KRT222: variants seen among roughly 807,000 people sequenced by gnomAD.
KRT222 encodes the protein keratin 222.
KRT222 carries 23 observed loss-of-function variants against 35.0 expected under a neutral mutation model. The observed-to-expected ratio is 0.66, with a 90% confidence interval of 0.47 to 0.93. The LOEUF (loss-of-function observed/expected upper bound fraction) is 0.93. Among genes scored for constraint, KRT222 ranks in the 40% least tolerant of loss-of-function variants. The pLI is 0.00. For missense variants in KRT222, 339 were observed against 346.3 expected (o/e 0.98, Z 0.17); for synonymous variants, 108 against 118.8 (o/e 0.91, Z 0.59).
chr17:40,664,802 C>T (rs888746631), intron 1 of KRT222: 5 of 831,728 alleles, frequency 6.0e-6, no homozygotes, highest in Admixed American at 3.1e-5. Context: ...TCAATCAACA[C>T]TTACTTAATG....
At chr17:40,664,157 A>G (rs1400894728) in intron 1 of KRT222, among the ~76,000 whole-genome samples, 1 of 152,082 alleles carries the variant, frequency 6.6e-6, no homozygotes, top group East Asian at 1.9e-4. Context: ...GATAACTTGA[A>G]CCCATATATG....
rs34128971 is a variant in KRT222, at chr17:40,657,210, C to CAAAAA, written c.659+137_659+141dup. 2.8e-3 allele frequency: 1,071 copies of CAAAAA among 377,890 alleles called. 1 individual carries two copies. The highest frequency in any genetic ancestry group is 3.4e-3 in the Non-Finnish European group (831 of 246,798). 23.4% of individuals were successfully genotyped at this position (377,890 alleles called of 1,614,324 possible). A position where few individuals can be genotyped will look rare whatever the true frequency, so the allele number is the denominator to read the frequency against. On this transcript the variant is annotated intron_variant, in intron 5 of 5. Coordinates refer to ENST00000394052, the MANE Select transcript of KRT222 (RefSeq NM_152349.3). ...CTGGCGACAGAGCAAGACTCAATCT[C>CAAAAA]AAAAAAAAAAAAAAAAATCACAGTA... is the stretch of plus-strand genomic sequence containing the variant.
intron 4 of KRT222, 59 bp downstream of exon 4, chr17:40,657,615 G>C (rs540051882): frequency 4.7e-5 from 71 of 1,502,530 alleles, no homozygotes; most frequent in Non-Finnish European, 6.0e-5. Flanking sequence ...TCCTTATAAA[G>C]TAATCCCTGT....
At position 40,661,929 on chromosome 17, in the gene KRT222, G is replaced by T; in HGVS notation, c.212C>A (p.Ser71Tyr). The change falls in exon 2 of 6, where the codon TCT becomes TAT. Residue 71 changes from serine (S) to tyrosine (Y), a missense_variant. Physicochemically the swap from Ser to Tyr is moderately radical, Grantham distance 144. Coordinates refer to ENST00000394052, the MANE Select transcript of KRT222 (RefSeq NM_152349.3). ...QWHHLQVEIE[S>Y]LHAVERGLEN... ...GATCATTCTCACCACAGCATGGAGA[G>T]ATTCAATTTCCACTTGCAGGTGGTG... 6.2e-7 allele frequency: 1 copy of T among 1,614,194 alleles called. No homozygotes were observed. The highest frequency in any genetic ancestry group is 2.2e-5 in the East Asian group (1 of 44,880).
At position 40,656,472 on chromosome 17, in the gene KRT222, A is replaced by C; in HGVS notation, c.818T>G (p.Ile273Arg). Residue 273 changes from isoleucine to arginine, a missense_variant, in exon 6 of 6, where the codon ATA (isoleucine) becomes AGA (arginine). Coordinates refer to ENST00000394052, the MANE Select transcript of KRT222 (RefSeq NM_152349.3). The part of the protein sequence containing the change: ...LETKQDNLPD[I>R]EVRLIMRRSC... The stretch of plus-strand genomic sequence containing the variant: ...TCTTCTCATGATAAGCCTGACTTCT[A>C]TATCTGGTAGATTATCCTGCTTAGT... 1 of 1,613,924 alleles carries C rather than the reference A, an allele frequency of 6.2e-7. No individual in the cohort carries two copies. The highest frequency in any genetic ancestry group is 8.5e-7 in the Non-Finnish European group (1 of 1,179,890).
At chr17:40,659,838 T>G in intron 3 of KRT222, 149 bp downstream of exon 3, 2 of 705,892 alleles carry the variant, frequency 2.8e-6, no homozygotes, top group South Asian at 3.5e-5. Context: ...TCATATATTC[T>G]TTGCAGTGCA....
chr17:40,665,124 T>A lies in KRT222; in HGVS notation c.-25A>T, dbSNP rs773974648. The A allele has an allele frequency of 6.8e-6, 11 of 1,610,040 alleles. No homozygotes were observed. Among genetic ancestry groups the A allele is most frequent in the Admixed American group, 1.7e-5 (1 of 59,992 alleles). On this transcript the variant is annotated 5_prime_UTR_variant, in exon 1 of 6. Transcript: ENST00000394052. ...TTCTTTTCCCATCCTCCACCTTGGC[T>A]AACTGAACCTTATCGATAGGATGAG...
chr17:40,663,532 G>A (rs1183016717), intron 1 of KRT222, among the ~76,000 whole-genome samples: 1 of 152,202 alleles, frequency 6.6e-6, no homozygotes, highest in South Asian at 2.1e-4. Context: ...CCAGCCTTTC[G>A]GCAATGCCCT....
Position 40,656,004 on chromosome 17 carries a change from C to T in KRT222, c.*398G>A, listed in dbSNP as rs185783655. The T allele has an allele frequency of 6.7e-4, 105 of 157,070 alleles. No homozygotes were observed. Among genetic ancestry groups the T allele is most frequent in the Admixed American group, 3.8e-3 (60 of 15,856 alleles). The allele number at this position is 157,070 out of a possible 1,614,324, so 9.7% of individuals were successfully genotyped here. On this transcript the variant is annotated 3_prime_UTR_variant, in exon 6 of 6. Transcript: ENST00000394052. ...GTGAATAACTCAGTGTGACTCTTAACACAATCCTATTCAAACAATTCTTTT... is the reference window on the plus strand; with the variant it reads ...GTGAATAACTCAGTGTGACTCTTAATACAATCCTATTCAAACAATTCTTTT...
intron 2 of KRT222, among the ~76,000 whole-genome samples, chr17:40,660,878 A>G (rs2037379719): frequency 6.6e-6 from 1 of 152,072 alleles, no homozygotes; most frequent in Non-Finnish European, 1.5e-5. Flanking sequence ...AAGAAAATAT[A>G]GTACATTGAG....
At chr17:40,657,272 G>A in intron 5 of KRT222, 80 bp downstream of exon 5, 3 of 918,056 alleles carry the variant, frequency 3.3e-6, no homozygotes, top group Non-Finnish European at 4.5e-6. Context: ...AAACAAAGAA[G>A]AGTAATTACT....
In KRT222 at chr17:40,657,227, AT is replaced by A. The variant is rs2037351426; in HGVS notation, c.659+124del. 20 of 740,414 alleles carry A rather than the reference AT, an allele frequency of 2.7e-5. No homozygotes were observed. In the South Asian group the frequency reaches 7.2e-4, roughly 27 times the overall value. 45.9% of individuals were successfully genotyped at this position (740,414 alleles called of 1,614,324 possible). A position where few individuals can be genotyped will look rare whatever the true frequency, so the allele number is the denominator to read the frequency against. Reference sequence around the variant, plus strand: ...CTCAATCTCAAAAAAAAAAAAAAAAATCACAGTATACTAAAACTATGTTTGG... The same window carrying A: ...CTCAATCTCAAAAAAAAAAAAAAAAACACAGTATACTAAAACTATGTTTGG... On this transcript the variant is annotated intron_variant, in intron 5 of 5. Coordinates refer to ENST00000394052, the MANE Select transcript of KRT222 (RefSeq NM_152349.3).
chr17:40,660,928 G>A (rs2037379920), intron 2 of KRT222, among the ~76,000 whole-genome samples: 1 of 152,062 alleles, frequency 6.6e-6, no homozygotes, highest in South Asian at 2.1e-4. Flanking sequence ...AGGCATTTAG[G>A]AACATGCTTA....
At chr17:40,657,773 T>C in intron 3 of KRT222, 23 bp from the exon 4 acceptor site, 1 of 1,506,852 alleles carries the variant, frequency 6.6e-7, no homozygotes, top group Non-Finnish European at 9.2e-7. Flanking sequence ...AGAATTTTAT[T>C]TTAAGAGCAA....
At chr17:40,660,521 C>T (rs927574581) in intron 2 of KRT222, among the ~76,000 whole-genome samples, 19 of 152,062 alleles carry the variant, frequency 1.2e-4, no homozygotes, top group South Asian at 8.3e-4. Flanking sequence ...CCCTGTGATC[C>T]GCCCGCCTTG....
At chr17:40,657,632 T>G (rs1182457280) in intron 4 of KRT222, 42 bp downstream of exon 4, 1 of 1,546,732 alleles carries the variant, frequency 6.5e-7, no homozygotes, top group East Asian at 2.3e-5. Context: ...CTGTAAATAG[T>G]ACATCACTTT....
intron 3 of KRT222, among the ~76,000 whole-genome samples, chr17:40,658,441 A>T (rs1261785272): frequency 6.6e-6 from 1 of 152,156 alleles, no homozygotes; most frequent in Non-Finnish European, 1.5e-5. Flanking sequence ...ATACATATGT[A>T]TATACATGAT....
chr17:40,664,947 G>C (rs747217258), intron 1 of KRT222, 57 bp downstream of exon 1: 3 of 1,611,438 alleles, frequency 1.9e-6, no homozygotes, highest in Non-Finnish European at 2.5e-6. Flanking sequence ...ACAGGAATTG[G>C]GTAGACATGG....
At chr17:40,661,089 C>T (rs1287017638) in intron 2 of KRT222, among the ~76,000 whole-genome samples, 1 of 151,682 alleles carries the variant, frequency 6.6e-6, no homozygotes, top group Non-Finnish European at 1.5e-5. Context: ...GGATTACAGG[C>T]GTGTGCCACC....
Sources: gnomAD v4.1 joint callset for allele counts (sites outside exome capture counted in the v4.1 genomes callset) on GRCh38, gnomAD v4.1.1 for gene constraint, MANE v1.5 for transcripts, NCBI Gene and HGNC (gene_info 2026-07-23, HGNC 2026-07-21) for gene names.